The following HMBOX1 variants were observed in gnomAD, a reference collection of about 807,000 sequenced individuals.
The protein encoded by HMBOX1 is homeobox-containing protein 1.
In HMBOX1, 14 loss-of-function variants were observed where a neutral mutation model predicts 54.5. The ratio of observed to expected loss-of-function variants is 0.26; its 90% CI spans 0.17 to 0.40. The LOEUF (loss-of-function observed/expected upper bound fraction) is 0.40. Ranked by LOEUF, HMBOX1 falls within the 10% of genes least tolerant of loss-of-function variation. The pLI is 1.00. For missense variants in HMBOX1, 332 were observed against 514.4 expected, an observed-to-expected ratio of 0.65 and a Z score of 3.43; for synonymous variants, 160 against 181.0, an observed-to-expected ratio of 0.88 and a Z score of 0.93.
chr8:29,035,350 T>G (rs1379697374), intron 6 of HMBOX1, among the ~76,000 whole-genome samples: 1 of 152,120 alleles, frequency 6.6e-6, no homozygotes, highest in Non-Finnish European at 1.5e-5. Flanking sequence ...CAGTTTATAA[T>G]TCAGCACTTT....
chr8:28,917,666 T>C (rs996381537), intron 1 of HMBOX1, among the ~76,000 whole-genome samples: 3 of 152,196 alleles, frequency 2.0e-5, no homozygotes, highest in Non-Finnish European at 4.4e-5. Context: ...TTATTAAATA[T>C]GATATATTTA....
intron 7 of HMBOX1, 140 bp from the exon 8 acceptor site, chr8:29,047,218 A>C (rs1805700028): frequency 1.6e-6 from 1 of 622,652 alleles, no homozygotes; most frequent in African/African-American, 1.9e-5. Flanking sequence ...ACCAGGTAAT[A>C]CTTTAAAAAT....
At chr8:29,046,419 G>A (rs1805566936) in intron 7 of HMBOX1, 1 of 152,200 alleles carries the variant, frequency 6.6e-6, no homozygotes, top group Non-Finnish European at 1.5e-5. Flanking sequence ...AAGGAAAGGT[G>A]AGGAGGAAAT....
At chr8:28,911,712 C>T (rs558521424) in intron 1 of HMBOX1, among the ~76,000 whole-genome samples, 1 of 152,242 alleles carries the variant, frequency 6.6e-6, no homozygotes, top group Admixed American at 6.5e-5. Flanking sequence ...CAGTGGTCAT[C>T]TCTATTTAAG....
intron 1 of HMBOX1, among the ~76,000 whole-genome samples, chr8:28,936,974 G>A (rs1182336263): frequency 6.6e-6 from 1 of 151,976 alleles, no homozygotes; most frequent in East Asian, 1.9e-4. Flanking sequence ...ATTTTAGGTG[G>A]TACAGGATAT....
At position 29,051,727 on chromosome 8, in the gene HMBOX1, G is replaced by A; in HGVS notation, c.*572G>A. The A allele has an allele frequency of 1.5e-6, 1 of 658,626 alleles. No individual in the cohort carries two copies. Among genetic ancestry groups the A allele is most frequent in the Non-Finnish European group, 2.8e-6 (1 of 355,896 alleles). The allele number at this position is 658,626 out of a possible 1,614,324, so 40.8% of individuals were successfully genotyped here. Reference sequence around the variant, plus strand: ...ACTGTGGCTAGATTATACTTCTTTGGGTGCTGTGCTAAGAATGTCAATGGA... The same window carrying A: ...ACTGTGGCTAGATTATACTTCTTTGAGTGCTGTGCTAAGAATGTCAATGGA... On this transcript the variant is annotated 3_prime_UTR_variant, in exon 10 of 10. Coordinates refer to ENST00000287701, the MANE Select transcript of HMBOX1 (RefSeq NM_001135726.3).
intron 1 of HMBOX1, among the ~76,000 whole-genome samples, chr8:28,938,869 C>G (rs556418010): frequency 1.3e-5 from 2 of 152,248 alleles, no homozygotes; most frequent in African/African-American, 2.4e-5. Flanking sequence ...TTCTTCCTTT[C>G]TAAATTAAAA....
intron 6 of HMBOX1, among the ~76,000 whole-genome samples, chr8:29,042,869 G>A (rs537233479): frequency 6.6e-6 from 1 of 152,266 alleles, no homozygotes; most frequent in East Asian, 1.9e-4. Flanking sequence ...GTAACTGATG[G>A]GTGGGGGGAT....
chr8:28,911,449 G>T (rs1325469269), intron 1 of HMBOX1, among the ~76,000 whole-genome samples: 1 of 152,174 alleles, frequency 6.6e-6, no homozygotes, highest in African/African-American at 2.4e-5. Context: ...ACTGCCTCCC[G>T]GGTTCAAGCG....
At chr8:28,956,788 G>C (rs919496482) in intron 1 of HMBOX1, among the ~76,000 whole-genome samples, 2 of 152,086 alleles carry the variant, frequency 1.3e-5, no homozygotes, top group African/African-American at 2.4e-5. Flanking sequence ...AATTTTCTTA[G>C]TAGTTCTTAA....
intron 1 of HMBOX1, among the ~76,000 whole-genome samples, chr8:28,928,551 A>C (rs1316797205): frequency 6.6e-6 from 1 of 152,248 alleles, no homozygotes; most frequent in Non-Finnish European, 1.5e-5. Context: ...GTCACTATCC[A>C]TGCACTCTCA....
At chr8:28,926,304 T>TACACACACACAC (rs10699056) in intron 1 of HMBOX1, among the ~76,000 whole-genome samples, 7 of 142,138 alleles carry the variant, frequency 4.9e-5, no homozygotes, top group African/African-American at 1.6e-4. Context: ...TATATATATA[T>TACACACACACAC]ACACACACAC....
At chr8:28,980,186 A>G (rs754847356) in intron 4 of HMBOX1, 30 bp downstream of exon 4, 2 of 1,493,214 alleles carry the variant, frequency 1.3e-6, no homozygotes. Flanking sequence ...TTATTCTGGA[A>G]TCATGTGTAG....
chr8:29,008,122 A>G (rs926563188), intron 4 of HMBOX1, among the ~76,000 whole-genome samples: 2 of 152,146 alleles, frequency 1.3e-5, no homozygotes, highest in Non-Finnish European at 2.9e-5. Flanking sequence ...GGTTTTAGGT[A>G]TAGGTAACCT....
At chr8:28,901,696 G>A (rs1368590639) in intron 1 of HMBOX1, among the ~76,000 whole-genome samples, 2 of 152,058 alleles carry the variant, frequency 1.3e-5, no homozygotes, top group East Asian at 3.9e-4. Context: ...AGTTCAAATT[G>A]TGCCATATGC....
chr8:28,939,495 TGTTTA>T (rs1278257813), intron 1 of HMBOX1, among the ~76,000 whole-genome samples: 1 of 151,940 alleles, frequency 6.6e-6, no homozygotes, highest in Non-Finnish European at 1.5e-5. Flanking sequence ...CTTTGTTTTT[TGTTTA>T]GTTTAGTTTT....
At chr8:29,029,505 G>A (rs1802580216) in intron 6 of HMBOX1, among the ~76,000 whole-genome samples, 1 of 152,164 alleles carries the variant, frequency 6.6e-6, no homozygotes, top group Non-Finnish European at 1.5e-5. Flanking sequence ...CATTTAAGCA[G>A]TCCAGGTGTA....
chr8:28,964,719 T>G (rs760458532), intron 2 of HMBOX1, among the ~76,000 whole-genome samples: 3 of 151,210 alleles, frequency 2.0e-5, no homozygotes, highest in Non-Finnish European at 4.4e-5. Flanking sequence ...TTCATTATAG[T>G]TCCCCCACCC....
intron 1 of HMBOX1, among the ~76,000 whole-genome samples, chr8:28,922,359 G>A (rs995242477): frequency 2.0e-5 from 3 of 152,186 alleles, no homozygotes; most frequent in Non-Finnish European, 4.4e-5. Context: ...CTGTGGGGAG[G>A]TGGGACGGAG....
Sources: allele counts gnomAD v4.1 joint callset (sites outside exome capture counted in the v4.1 genomes callset), GRCh38; gene constraint gnomAD v4.1.1; transcripts MANE v1.5; gene names NCBI Gene and HGNC (gene_info 2026-07-23, HGNC 2026-07-21).